Variants in PLCL2 observed in about 807,000 individuals in gnomAD.
PLCL2 encodes the protein phospholipase C like 2, also known as inactive phospholipase C-like protein 2.
In PLCL2, 4 loss-of-function variants were observed where a neutral mutation model predicts 79.6. The observed-to-expected ratio is 0.05, with a 90% confidence interval of 0.02 to 0.11. The LOEUF is 0.11. Ranked by LOEUF, PLCL2 falls within the 10% of genes least tolerant of loss-of-function variation. The pLI is 1.00. For synonymous variants in PLCL2, 484 were observed against 457.7 expected (o/e 1.06, Z -0.73); for missense variants, 895 against 1,291.0 (o/e 0.69, Z 4.70).
intron 1 of PLCL2, among the ~76,000 whole-genome samples, chr3:16,914,515 A>G (rs1029346881): frequency 2.0e-5 from 3 of 151,318 alleles, no homozygotes; most frequent in Non-Finnish European, 4.4e-5. Flanking sequence ...CTGAATTTAA[A>G]TTTCCAGGTT....
intron 1 of PLCL2, among the ~76,000 whole-genome samples, chr3:16,955,521 G>A (rs974469029): frequency 6.6e-6 from 1 of 151,984 alleles, no homozygotes; most frequent in Admixed American, 6.6e-5. Context: ...GCTCTTTTTT[G>A]GTTCCATATG....
At chr3:16,913,440 G>T (rs1364260531) in intron 1 of PLCL2, among the ~76,000 whole-genome samples, 1 of 151,370 alleles carries the variant, frequency 6.6e-6, no homozygotes, top group Non-Finnish European at 1.5e-5. Flanking sequence ...GTAAGGTGTG[G>T]TGTAAAATTT....
At chr3:16,991,156 G>T (rs954682183) in intron 1 of PLCL2, among the ~76,000 whole-genome samples, 1 of 152,216 alleles carries the variant, frequency 6.6e-6, no homozygotes, top group African/African-American at 2.4e-5. Flanking sequence ...GTTGGGATCT[G>T]AAGAAGTCTT....
chr3:16,998,233 A>AACC (rs1458996430), intron 1 of PLCL2, among the ~76,000 whole-genome samples: 1 of 152,194 alleles, frequency 6.6e-6, no homozygotes, highest in Non-Finnish European at 1.5e-5. Context: ...AATAGTGAAG[A>AACC]ACCAGCACAG....
At chr3:17,023,695 G>A (rs1461038262) in intron 3 of PLCL2, among the ~76,000 whole-genome samples, 2 of 152,092 alleles carry the variant, frequency 1.3e-5, no homozygotes, top group East Asian at 1.9e-4. Context: ...TAATACACTC[G>A]ATATGTTGAA....
At chr3:16,993,127 G>T (rs1395498309) in intron 1 of PLCL2, among the ~76,000 whole-genome samples, 1 of 152,200 alleles carries the variant, frequency 6.6e-6, no homozygotes, top group African/African-American at 2.4e-5. Context: ...GATTGTACCT[G>T]CATTTCCAGT....
chr3:17,066,179 C>T (rs186799194), intron 4 of PLCL2, among the ~76,000 whole-genome samples: 13 of 152,238 alleles, frequency 8.5e-5, no homozygotes, highest in Non-Finnish European at 1.3e-4. Flanking sequence ...GGGATGTTCT[C>T]AGGTACCATC....
intron 3 of PLCL2, among the ~76,000 whole-genome samples, chr3:17,021,156 A>G (rs900063106): frequency 2.6e-5 from 4 of 152,200 alleles, no homozygotes; most frequent in African/African-American, 9.6e-5. Flanking sequence ...TAAGCTAAAA[A>G]TGAATGAAAG....
rs528035998 is a variant in PLCL2, at chr3:17,077,851, C to T, written c.3204+9786C>T. Among the ~76,000 whole-genome samples, 7 of 152,246 alleles carry T rather than the reference C, an allele frequency of 4.6e-5. No individual in the cohort carries two copies. The South Asian group carries it at 6.2e-4, about 14-fold the overall frequency. ...AGCCTCATGACAATAGCAAGCTGTT[C>T]GGAAACCTGGCAGCCCCCGAGGTAG... On this transcript the variant is annotated intron_variant, in intron 5 of 5. Coordinates refer to ENST00000615277, the MANE Select transcript of PLCL2 (RefSeq NM_001144382.2).
chr3:16,949,258 T>A (rs12492983), intron 1 of PLCL2, among the ~76,000 whole-genome samples: 29,674 of 151,974 alleles, frequency 0.2, 3,385 homozygotes, highest in East Asian at 0.53. Flanking sequence ...TACTGCCAGG[T>A]TATCCTCTCA....
At chr3:16,910,625 T>G (rs1446840197) in intron 1 of PLCL2, among the ~76,000 whole-genome samples, 3 of 152,118 alleles carry the variant, frequency 2.0e-5, no homozygotes, top group Non-Finnish European at 4.4e-5. Flanking sequence ...GCTTTAAGTG[T>G]CATTTATATG....
chr3:16,898,418 A>G (rs1392876620), intron 1 of PLCL2, among the ~76,000 whole-genome samples: 1 of 152,186 alleles, frequency 6.6e-6, no homozygotes, highest in East Asian at 1.9e-4. Context: ...TGTTAGGAAA[A>G]AAAGTATTGT....
At chr3:16,927,732 C>T (rs1401647394) in intron 1 of PLCL2, among the ~76,000 whole-genome samples, 1 of 152,152 alleles carries the variant, frequency 6.6e-6, no homozygotes, top group Non-Finnish European at 1.5e-5. Context: ...TTCCCCCGCC[C>T]CCACCACACA....
At chr3:16,954,577 T>G (rs904764565) in intron 1 of PLCL2, among the ~76,000 whole-genome samples, 1 of 152,110 alleles carries the variant, frequency 6.6e-6, no homozygotes, top group African/African-American at 2.4e-5. Context: ...GTATTTCTAG[T>G]TCTAGATCCC....
At chr3:16,968,958 G>A (rs2063832273) in intron 1 of PLCL2, among the ~76,000 whole-genome samples, 1 of 152,104 alleles carries the variant, frequency 6.6e-6, no homozygotes, top group Admixed American at 6.6e-5. Flanking sequence ...TTAACACGAA[G>A]GATGTTGGAT....
rs143093590 is a variant in PLCL2, at chr3:16,912,676, C to G, written c.327+27310C>G. 4.1e-3 allele frequency among the ~76,000 whole-genome samples: 632 copies of G among 152,308 alleles called. 3 individuals are homozygous for G. The highest frequency in any genetic ancestry group is 7.0e-3 in the Non-Finnish European group (479 of 68,016). On this transcript the variant is annotated intron_variant, in intron 1 of 5. Transcript: ENST00000615277. Reference sequence around the variant, plus strand: ...TTCTGACTGTGAGACCAGGTGCTCTCTCCACTGAATTATTCTGCTTTCTTT... The same window carrying G: ...TTCTGACTGTGAGACCAGGTGCTCTGTCCACTGAATTATTCTGCTTTCTTT...
chr3:16,916,887 A>G (rs983301846), intron 1 of PLCL2, among the ~76,000 whole-genome samples: 6 of 152,088 alleles, frequency 3.9e-5, no homozygotes, highest in Admixed American at 6.5e-5. Flanking sequence ...TACATTATCC[A>G]TGTGTCATCC....
chr3:16,936,518 TA>T (rs200743548), intron 1 of PLCL2, among the ~76,000 whole-genome samples: 14 of 148,740 alleles, frequency 9.4e-5, no homozygotes, highest in Non-Finnish European at 9.0e-5. Context: ...CCAGATTGTT[TA>T]AAAAAAAAAG....
At chr3:16,934,992 T>G (rs1697505729) in intron 1 of PLCL2, among the ~76,000 whole-genome samples, 2 of 152,238 alleles carry the variant, frequency 1.3e-5, no homozygotes, top group African/African-American at 4.8e-5. Flanking sequence ...AATATTTCAA[T>G]AATGTAGTCA....
Sources: gnomAD v4.1 joint callset for allele counts (sites outside exome capture counted in the v4.1 genomes callset) on GRCh38, gnomAD v4.1.1 for gene constraint, MANE v1.5 for transcripts, NCBI Gene and HGNC (gene_info 2026-07-23, HGNC 2026-07-21) for gene names.